PCDHA7: variants seen among roughly 807,000 people sequenced by gnomAD.
PCDHA7 encodes the protein protocadherin alpha 7, also known as protocadherin alpha-7.
PCDHA7 carries 37 observed loss-of-function variants against 57.2 expected under a neutral mutation model. The observed-to-expected ratio is 0.65, with a 90% CI of 0.50 to 0.85. The LOEUF is 0.85. Ranked by LOEUF, PCDHA7 falls within the 40% of genes least tolerant of loss-of-function variation. The pLI is 0.00. For missense variants in PCDHA7, 1,188 were observed against 1,241.8 expected, an observed-to-expected ratio of 0.96 and a Z score of 0.65; for synonymous variants, 553 against 558.8, an observed-to-expected ratio of 0.99 and a Z score of 0.15.
At chr5:140,876,164 C>G in intron 1 of PCDHA7, 5 of 1,613,950 alleles carry the variant, frequency 3.1e-6, no homozygotes, top group Non-Finnish European at 4.2e-6. Context: ...ATTCAAATAA[C>G]CGTCCTGGAT....
chr5:140,969,331 G>A, intron 1 of PCDHA7: 1 of 1,614,042 alleles, frequency 6.2e-7, no homozygotes, highest in Non-Finnish European at 8.5e-7. Context: ...CTCAAAATGA[G>A]GTGAGACAGT....
In PCDHA7 at chr5:140,877,149, C is replaced by G. The variant is rs2056888845; in HGVS notation, c.2355+40411C>G. The G allele has an allele frequency of 2.5e-6, 4 of 1,613,648 alleles. No individual in the cohort carries two copies. The highest frequency in any genetic ancestry group is 1.1e-5 in the South Asian group (1 of 91,078). On this transcript the variant is annotated intron_variant, in intron 1 of 3. Coordinates refer to ENST00000525929, the MANE Select transcript of PCDHA7 (RefSeq NM_018910.3). ...TGCAGGTGTTCGTGCTGGACGAGAA[C>G]GACAACGCGCCGGCACTGCTGGCGA... is the stretch of plus-strand genomic sequence containing the variant.
chr5:140,882,513 G>A (rs2059164592), intron 1 of PCDHA7: 3 of 1,614,072 alleles, frequency 1.9e-6, no homozygotes, highest in Admixed American at 3.3e-5. Context: ...CTGCAGAATG[G>A]CATTTTGTTT....
rs2150224135 is a variant in PCDHA7, at chr5:140,834,676, G to A, written c.293G>A (p.Arg98Gln). The A allele has an allele frequency of 3.3e-5, 53 of 1,614,126 alleles. No individual in the cohort carries two copies. Among genetic ancestry groups the A allele is most frequent in the Non-Finnish European group, 4.2e-5 (50 of 1,180,052 alleles). Residue 98 changes from arginine (R) to glutamine (Q), a missense_variant, in exon 1 of 4, where the codon CGG becomes CAG. This residue lies in a region of PCDHA7 where 194 missense variants were observed against 185.8 expected (regional missense o/e 1.04). Coordinates refer to ENST00000525929, the MANE Select transcript of PCDHA7 (RefSeq NM_018910.3). ...ATCGACCGCGAGGAGCTGTGCGGGC[G>A]GAGCGCGGAGTGCAGCATCCACCTG... ...SRIDREELCG[R>Q]SAECSIHLEV...
intron 1 of PCDHA7, chr5:140,857,647 G>T: frequency 6.3e-7 from 1 of 1,596,858 alleles, no homozygotes; most frequent in Non-Finnish European, 8.6e-7. Flanking sequence ...TACAGTTCCA[G>T]GTGAGCGCGC....
intron 1 of PCDHA7, chr5:140,871,249 C>A (rs782675743): frequency 8.1e-6 from 13 of 1,613,984 alleles, no homozygotes; most frequent in South Asian, 1.1e-5. Flanking sequence ...CACGCTGCTG[C>A]TGTATACGGC....
chr5:141,010,343 G>C lies in PCDHA7; in HGVS notation c.*406G>C. 1 of 1,518,858 alleles carries C rather than the reference G, an allele frequency of 6.6e-7. No homozygotes were observed. Among genetic ancestry groups the C allele is most frequent in the Admixed American group, 2.1e-5 (1 of 46,514 alleles). 94.1% of individuals were successfully genotyped at this position (1,518,858 alleles called of 1,614,324 possible). A position where few individuals can be genotyped will look rare whatever the true frequency, so the allele number is the denominator to read the frequency against. On this transcript the variant is annotated 3_prime_UTR_variant, in exon 4 of 4. Coordinates refer to ENST00000525929, the MANE Select transcript of PCDHA7 (RefSeq NM_018910.3). ...GCAGCTTGGGAGTTTGTGGCCACTGGGTATGTGTGGCTACCGCGGGTATGC... is the reference window on the plus strand; with the variant it reads ...GCAGCTTGGGAGTTTGTGGCCACTGCGTATGTGTGGCTACCGCGGGTATGC...
intron 1 of PCDHA7, chr5:140,881,395 T>C: frequency 1.0e-6 from 1 of 978,940 alleles, no homozygotes; most frequent in Non-Finnish European, 1.2e-6. Context: ...TAAGTTAAAT[T>C]CTATTAAATC....
At chr5:140,854,340 A>G in intron 1 of PCDHA7, 1 of 189,954 alleles carries the variant, frequency 5.3e-6, no homozygotes, top group Non-Finnish European at 9.6e-6. Context: ...TTTACGCTCC[A>G]GATAGCTAAA....
chr5:140,854,721 T>C (rs941408696), intron 1 of PCDHA7: 9 of 149,956 alleles, frequency 6.0e-5, no homozygotes, highest in Non-Finnish European at 1.2e-4. Flanking sequence ...GACAGAAAAC[T>C]CAAGTTTTTT....
chr5:140,851,348 A>G (rs2042033345), intron 1 of PCDHA7: 1 of 977,536 alleles, frequency 1.0e-6, no homozygotes, highest in African/African-American at 1.7e-5. Context: ...ATTTCTCTGG[A>G]TGGAGACTGT....
At chr5:140,980,553 C>G (rs1554241953) in intron 2 of PCDHA7, among the ~76,000 whole-genome samples, 1 of 152,062 alleles carries the variant, frequency 6.6e-6, no homozygotes, top group Admixed American at 6.6e-5. Context: ...TCGCTTGAAC[C>G]CGGGAGGCGG....
chr5:140,849,852 C>A (rs2150454047), intron 1 of PCDHA7: 2 of 1,598,608 alleles, frequency 1.3e-6, no homozygotes, highest in East Asian at 2.2e-5. Context: ...CGACAACGCA[C>A]CAGCGTTCGC....
intron 1 of PCDHA7, chr5:140,851,823 G>C (rs1554145549): frequency 1.0e-6 from 1 of 962,982 alleles, no homozygotes; most frequent in Non-Finnish European, 1.3e-6. Flanking sequence ...ACAGAAATCT[G>C]TTTTTTTAAA....
chr5:140,870,195 C>T, intron 1 of PCDHA7: 1 of 1,614,178 alleles, frequency 6.2e-7, no homozygotes, highest in Non-Finnish European at 8.5e-7. Flanking sequence ...ACGCTCAGCC[C>T]AGCACGGTCA....
chr5:141,009,712 C>T lies in PCDHA7; in HGVS notation c.2589C>T (p.Pro863=). The T allele has an allele frequency of 1.2e-6, 2 of 1,614,156 alleles. No individual in the cohort carries two copies. Among genetic ancestry groups the T allele is most frequent in the African/African-American group, 1.3e-5 (1 of 75,034 alleles). ...CCTTTAAATACGGACCAGGCAACCC[C>T]AAACAATCCGGTCCCGGTGAGTTGC... is the stretch of plus-strand genomic sequence containing the variant. ...SWTFKYGPGN[P]KQSGPGELPD... is the part of the protein sequence containing the mutation. The change falls in exon 4 of 4, where the codon CCC becomes CCT. Residue 863 remains proline (P), a synonymous_variant. Transcript: ENST00000525929.
intron 1 of PCDHA7, among the ~76,000 whole-genome samples, chr5:140,947,571 GT>G (rs782708059): frequency 1.8e-4 from 28 of 151,588 alleles, no homozygotes; most frequent in Non-Finnish European, 3.1e-4. Context: ...TATTGGGAAT[GT>G]TTTTAACATT....
chr5:140,988,075 A>G (rs139957067), intron 3 of PCDHA7, among the ~76,000 whole-genome samples: 4 of 152,258 alleles, frequency 2.6e-5, no homozygotes, highest in Non-Finnish European at 4.4e-5. Flanking sequence ...TTTCTATTTC[A>G]TGAGTGAGTG....
In PCDHA7 at chr5:140,882,102, C is replaced by A. The variant is rs2058951166; in HGVS notation, c.2355+45364C>A. 1.4e-5 allele frequency: 18 copies of A among 1,308,166 alleles called. No individual in the cohort carries two copies. In the South Asian group the frequency reaches 2.1e-4, roughly 16 times the overall value. 81.0% of individuals were successfully genotyped at this position (1,308,166 alleles called of 1,614,324 possible). On this transcript the variant is annotated intron_variant, in intron 1 of 3. Transcript: ENST00000525929. ...TCGCTCTTCACTGAGAACGTTTCCG[C>A]GAAGAAAGCCGCCGTTTCTTTCTTC...
Sources: gnomAD v4.1 joint callset for allele counts (sites outside exome capture counted in the v4.1 genomes callset) on GRCh38, gnomAD v4.1.1 for gene constraint, gnomAD v4.1.1 regional missense constraint, MANE v1.5 for transcripts, NCBI Gene and HGNC (gene_info 2026-07-23, HGNC 2026-07-21) for gene names.